MYT1L: variants seen among roughly 807,000 people sequenced by gnomAD.
MYT1L encodes the protein myelin transcription factor 1 like.
MYT1L carries 12 observed loss-of-function variants against 126.7 expected under a neutral mutation model. The ratio of observed to expected loss-of-function variants is 0.09; its 90% CI spans 0.06 to 0.15. The LOEUF (loss-of-function observed/expected upper bound fraction) is 0.15. Among genes scored for constraint, MYT1L ranks in the 10% least tolerant of loss-of-function variants. The pLI is 1.00. For missense variants in MYT1L, 979 were observed against 1,585.2 expected (o/e 0.62, Z 6.49); for synonymous variants, 541 against 604.2 (o/e 0.90, Z 1.53).
chr2:1,925,461 C>T (rs1415894460), intron 9 of MYT1L, among the ~76,000 whole-genome samples: 2 of 152,238 alleles, frequency 1.3e-5, no homozygotes, highest in African/African-American at 2.4e-5. Flanking sequence ...TTCCCCCCTA[C>T]ATTCTCCCTT....
intron 2 of MYT1L, among the ~76,000 whole-genome samples, chr2:2,220,178 C>A (rs945843737): frequency 6.6e-6 from 1 of 152,172 alleles, no homozygotes; most frequent in African/African-American, 2.4e-5. Context: ...CGTGACACAG[C>A]CCTCAGAGGG....
intron 9 of MYT1L, among the ~76,000 whole-genome samples, chr2:1,932,950 G>A (rs2149188822): frequency 6.6e-6 from 1 of 152,266 alleles, no homozygotes; most frequent in African/African-American, 2.4e-5. Context: ...CACATGCACA[G>A]TCTAAAGGAG....
chr2:1,841,494 G>A (rs1326445419), intron 19 of MYT1L: 2 of 152,530 alleles, frequency 1.3e-5, no homozygotes, highest in East Asian at 1.9e-4. Context: ...AATTCAGGAG[G>A]AGAGTTCTTT....
At chr2:2,281,016 G>A (rs1396275328) in intron 2 of MYT1L, among the ~76,000 whole-genome samples, 1 of 152,168 alleles carries the variant, frequency 6.6e-6, no homozygotes, top group Admixed American at 6.5e-5. Context: ...TGGTTTGGCT[G>A]TGTCCCCACC....
intron 2 of MYT1L, among the ~76,000 whole-genome samples, chr2:2,227,615 T>C (rs2094045178): frequency 1.3e-5 from 2 of 152,204 alleles, no homozygotes; most frequent in East Asian, 1.9e-4. Flanking sequence ...CCGCACTATC[T>C]GTTAAGAAGC....
chr2:1,973,394 T>C (rs2059946377), intron 8 of MYT1L, among the ~76,000 whole-genome samples: 1 of 152,218 alleles, frequency 6.6e-6, no homozygotes, highest in African/African-American at 2.4e-5. Context: ...GATGATTAAA[T>C]TTCGTTTCTA....
intron 21 of MYT1L, among the ~76,000 whole-genome samples, chr2:1,829,728 T>C (rs74169689): frequency 4.6e-4 from 52 of 112,398 alleles, no homozygotes; most frequent in South Asian, 1.2e-3. Flanking sequence ...CACCTGTGAA[T>C]TGACCTTCCC....
chr2:2,310,705 A>C (rs528379245), intron 1 of MYT1L, among the ~76,000 whole-genome samples: 2 of 152,142 alleles, frequency 1.3e-5, no homozygotes, highest in Non-Finnish European at 1.5e-5. Context: ...CACCTAACTT[A>C]TATTTACCAC....
chr2:1,926,712 A>C (rs1407893694), intron 9 of MYT1L, among the ~76,000 whole-genome samples: 1 of 152,166 alleles, frequency 6.6e-6, no homozygotes, highest in African/African-American at 2.4e-5. Flanking sequence ...GCAGGTGTGC[A>C]CCACCATGTA....
chr2:1,966,301 G>C (rs1043096945), intron 8 of MYT1L, among the ~76,000 whole-genome samples: 3 of 152,178 alleles, frequency 2.0e-5, no homozygotes, highest in African/African-American at 4.8e-5. Flanking sequence ...TTCTAGCAAA[G>C]GCATTGTTAA....
chr2:2,073,682 G>A (rs1007334472), intron 3 of MYT1L, among the ~76,000 whole-genome samples: 3 of 152,090 alleles, frequency 2.0e-5, no homozygotes, highest in African/African-American at 4.8e-5. Context: ...GTTGTATGTC[G>A]GTGACTCCCA....
At chr2:2,181,958 G>C (rs2091582419) in intron 2 of MYT1L, among the ~76,000 whole-genome samples, 1 of 152,132 alleles carries the variant, frequency 6.6e-6, no homozygotes, top group Admixed American at 6.5e-5. Flanking sequence ...AGGTCACAGA[G>C]CTGGGATGGG....
rs963412374 is a variant in MYT1L, at chr2:2,065,989, A to G, written c.-303-11866T>C. 5.9e-5 allele frequency among the ~76,000 whole-genome samples: 9 copies of G among 152,128 alleles called. 1 individual carries two copies. Among genetic ancestry groups the G allele is most frequent in the African/African-American group, 1.9e-4 (8 of 41,412 alleles). ...AATGATTTATCCTTTTGCAAAAAAA[A>G]GTGTGTCTTCCTGTCTCCTTGCCTC... is the stretch of plus-strand genomic sequence containing the variant. On this transcript the variant is annotated intron_variant, in intron 3 of 24. Coordinates refer to ENST00000647738, the MANE Select transcript of MYT1L (RefSeq NM_001303052.2).
intron 2 of MYT1L, among the ~76,000 whole-genome samples, chr2:2,207,480 C>T (rs569710219): frequency 1.1e-4 from 16 of 152,242 alleles, no homozygotes; most frequent in African/African-American, 2.9e-4. Context: ...TACAATACAC[C>T]GTCAAGAACA....
intron 3 of MYT1L, among the ~76,000 whole-genome samples, chr2:2,138,171 A>G (rs1320072259): frequency 1.3e-5 from 2 of 152,110 alleles, no homozygotes. Flanking sequence ...TTAGAATGGC[A>G]ATCATTAAAA....
chr2:2,327,710 A>C (rs1259951293), intron 1 of MYT1L, among the ~76,000 whole-genome samples: 6 of 152,166 alleles, frequency 3.9e-5, no homozygotes, highest in Admixed American at 3.9e-4. Context: ...ATTGATTGAA[A>C]ATTATAGCCC....
chr2:1,860,846 G>A (rs970787074), intron 18 of MYT1L, among the ~76,000 whole-genome samples: 2 of 152,016 alleles, frequency 1.3e-5, no homozygotes, highest in African/African-American at 2.4e-5. Flanking sequence ...GGCTGGGAGC[G>A]GTTCTTTGCA....
chr2:1,995,871 A>G (rs1447438823), intron 5 of MYT1L, among the ~76,000 whole-genome samples: 1 of 152,184 alleles, frequency 6.6e-6, no homozygotes, highest in African/African-American at 2.4e-5. Flanking sequence ...GCCCCAGGGG[A>G]CAGAGGCAAG....
chr2:1,992,563 G>C (rs975930676), intron 5 of MYT1L, among the ~76,000 whole-genome samples: 1 of 152,158 alleles, frequency 6.6e-6, no homozygotes, highest in African/African-American at 2.4e-5. Context: ...TAGCAATAAT[G>C]CCTCCTTTTC....
Sources: allele counts gnomAD v4.1 joint callset (sites outside exome capture counted in the v4.1 genomes callset), GRCh38; gene constraint gnomAD v4.1.1; transcripts MANE v1.5; gene names NCBI Gene and HGNC (gene_info 2026-07-23, HGNC 2026-07-21).